Variants in FGFRL1 observed in about 807,000 individuals in gnomAD.
The protein encoded by FGFRL1 is fibroblast growth factor receptor-like 1.
A neutral mutation model predicts 36.8 loss-of-function variants in FGFRL1; 24 were observed. The observed-to-expected ratio is 0.65, with a 90% confidence interval of 0.47 to 0.92. The LOEUF (loss-of-function observed/expected upper bound fraction) is 0.92. Among genes scored for constraint, FGFRL1 ranks in the 40% least tolerant of loss-of-function variants. The pLI, the probability that FGFRL1 is intolerant of heterozygous loss-of-function variation, is 0.00. For missense variants in FGFRL1, 785 were observed against 753.4 expected (o/e 1.04, Z -0.49); for synonymous variants, 422 against 344.1 (o/e 1.23, Z -2.50).
intron 1 of FGFRL1, 67 bp from the exon 2 acceptor site, chr4:1,012,403 C>T: frequency 1.3e-6 from 2 of 1,551,056 alleles, no homozygotes; most frequent in South Asian, 1.2e-5. Flanking sequence ...ATCCCCGCGG[C>T]CCGGGACCGG....
At chr4:1,017,162 C>T (rs949079046) in intron 2 of FGFRL1, among the ~76,000 whole-genome samples, 4 of 152,206 alleles carry the variant, frequency 2.6e-5, no homozygotes, top group African/African-American at 7.2e-5. Context: ...GACTTGGGGC[C>T]TGGCCACCCC....
At chr4:1,012,419 GC>G in intron 1 of FGFRL1, 50 bp from the exon 2 acceptor site, 1 of 1,564,852 alleles carries the variant, frequency 6.4e-7, no homozygotes. Context: ...ACCGGGGAGG[GC>G]GGTATCTCCC....
chr4:1,016,751 G>A (rs1264111522), intron 2 of FGFRL1, among the ~76,000 whole-genome samples: 1 of 152,154 alleles, frequency 6.6e-6, no homozygotes, highest in Non-Finnish European at 1.5e-5. Context: ...GCACATGTAT[G>A]TGCCTGAGCG....
intron 2 of FGFRL1, among the ~76,000 whole-genome samples, chr4:1,015,395 C>T (rs1715836938): frequency 6.6e-6 from 1 of 152,226 alleles, no homozygotes; most frequent in South Asian, 2.1e-4. Context: ...CCCAGGGTGC[C>T]TGGCTGCCCT....
chr4:1,010,534 T>G (rs1348033789), upstream of FGFRL1, among the ~76,000 whole-genome samples: 1 of 152,184 alleles, frequency 6.6e-6, no homozygotes. Context: ...CAGCCTTTCC[T>G]GGGAGGACTT....
chr4:1,025,394 A>C lies in FGFRL1; in HGVS notation c.*47A>C. The C allele has an allele frequency of 6.6e-6, 10 of 1,506,094 alleles. No homozygotes were observed. The highest frequency in any genetic ancestry group is 4.5e-6 in the Non-Finnish European group (5 of 1,120,110). 93.3% of individuals were successfully genotyped at this position (1,506,094 alleles called of 1,614,324 possible). A position where few individuals can be genotyped will look rare whatever the true frequency, so the allele number is the denominator to read the frequency against. On this transcript the variant is annotated 3_prime_UTR_variant, in exon 7 of 7. Coordinates refer to ENST00000510644, the MANE Select transcript of FGFRL1 (RefSeq NM_001004356.3). ...GCACGGGGGGGCCGGCCAGACAGGC[A>C]GACTGGGAGGATGGAGGACGGAGCT... is the stretch of plus-strand genomic sequence containing the variant.
intron 6 of FGFRL1, 67 bp from the exon 7 acceptor site, chr4:1,024,838 C>G: frequency 6.7e-7 from 1 of 1,500,000 alleles, no homozygotes; most frequent in Non-Finnish European, 9.0e-7. Flanking sequence ...TGGGATGGGT[C>G]TGGGGTGCTC....
chr4:1,017,656 A>G (rs1715960889), intron 2 of FGFRL1, among the ~76,000 whole-genome samples: 1 of 152,180 alleles, frequency 6.6e-6, no homozygotes, highest in South Asian at 2.1e-4. Context: ...GGCCGTTTCC[A>G]GCCAGTGTCC....
At chr4:1,016,271 G>A (rs553173155) in intron 2 of FGFRL1, among the ~76,000 whole-genome samples, 49 of 152,042 alleles carry the variant, frequency 3.2e-4, no homozygotes, top group Admixed American at 3.0e-3. Context: ...GGCTGCCAAG[G>A]TCTGCAGGCA....
rs372553975 is a variant in FGFRL1 at position 1,022,339 on chromosome 4, C to A, written c.216C>A (p.Ser72Arg). ...CCAAGGATGGCCGCACCATCCACAGCGGCTGGAGCCGCTTCCGCGTGCTGC... is the reference window on the plus strand; with the variant it reads ...CCAAGGATGGCCGCACCATCCACAGAGGCTGGAGCCGCTTCCGCGTGCTGC... ...MWTKDGRTIHSGWSRFRVLPQ... is the reference protein window; with the variant it reads ...MWTKDGRTIHRGWSRFRVLPQ... The change falls in exon 3 of 7, where the codon AGC (serine) becomes AGA (arginine). Residue 72 changes from serine to arginine, a missense_variant. Physicochemically the swap from Ser to Arg is moderately radical, Grantham distance 110. Coordinates refer to ENST00000510644, the MANE Select transcript of FGFRL1 (RefSeq NM_001004356.3). 14 of 1,603,140 alleles carry A rather than the reference C, an allele frequency of 8.7e-6. No individual in the cohort carries two copies. The highest frequency in any genetic ancestry group is 1.2e-5 in the Non-Finnish European group (14 of 1,176,102).
intron 2 of FGFRL1, among the ~76,000 whole-genome samples, chr4:1,017,411 G>A (rs536596558): frequency 1.1e-4 from 17 of 152,254 alleles, no homozygotes; most frequent in African/African-American, 3.6e-4. Context: ...CCTCCCCAGC[G>A]CACACTGGCT....
rs1331119586 is a variant in FGFRL1, at chr4:1,026,292, A to C, written c.*945A>C. 2.5e-5 allele frequency: 4 copies of C among 158,614 alleles called. No individual in the cohort carries two copies. The highest frequency in any genetic ancestry group is 7.2e-5 in the African/African-American group (3 of 41,488). The allele number at this position is 158,614 out of a possible 1,614,324, so 9.8% of individuals were successfully genotyped here. On this transcript the variant is annotated 3_prime_UTR_variant, in exon 7 of 7. Coordinates refer to ENST00000510644, the MANE Select transcript of FGFRL1 (RefSeq NM_001004356.3). ...GACACACATGCACACACAGGTGCAG[A>C]TATGCTGCCTGGACACACGCAGACT...
chr4:1,017,735 C>T (rs1035815319), intron 2 of FGFRL1, among the ~76,000 whole-genome samples: 2 of 152,198 alleles, frequency 1.3e-5, no homozygotes, highest in South Asian at 4.1e-4. Flanking sequence ...GCCTGGGTGT[C>T]TCTCCCTGTG....
Position 1,025,351 on chromosome 4 carries a change from G to C in FGFRL1, c.*4G>C, listed in dbSNP as rs2153027545. 2 of 1,540,840 alleles carry C rather than the reference G, an allele frequency of 1.3e-6. No homozygotes were observed. The highest frequency in any genetic ancestry group is 1.8e-6 in the Non-Finnish European group (2 of 1,139,388). On this transcript the variant is annotated 3_prime_UTR_variant, in exon 7 of 7. Transcript: ENST00000510644. ...GCACATCCACTATCAGTGCTAGACGGCACCGTATCTGCAGTGGGCACGGGG... is the reference window on the plus strand; with the variant it reads ...GCACATCCACTATCAGTGCTAGACGCCACCGTATCTGCAGTGGGCACGGGG...
chr4:1,010,577 G>A (rs1715532524), upstream of FGFRL1, among the ~76,000 whole-genome samples: 1 of 152,258 alleles, frequency 6.6e-6, no homozygotes, highest in Non-Finnish European at 1.5e-5. Context: ...CCCAGAAAGA[G>A]AGGCTGCTCT....
rs200338999 is a variant in FGFRL1 at position 1,025,088 on chromosome 4, C to T, written c.1256C>T (p.Pro419Leu). Residue 419 changes from proline to leucine, a missense_variant, in exon 7 of 7, where the codon CCG (proline) becomes CTG (leucine). Physicochemically the swap from Pro to Leu is moderately conservative, Grantham distance 98 (BLOSUM62 -3). Transcript: ENST00000510644. ...APAPPLPGHR[P>L]PGTARDRSGD... The stretch of plus-strand genomic sequence containing the variant: ...GCCCCTCCCCTGCCTGGGCACCGCC[C>T]GCCGGGGACGGCCCGCGACCGCAGC... 1.4e-5 allele frequency: 23 copies of T among 1,609,832 alleles called. No individual in the cohort carries two copies. The highest frequency in any genetic ancestry group is 4.5e-5 in the East Asian group (2 of 44,760).
chr4:1,024,024 A>T lies in FGFRL1; in HGVS notation c.641A>T (p.Glu214Val). The T allele has an allele frequency of 1.2e-6, 2 of 1,607,670 alleles. No homozygotes were observed. The highest frequency in any genetic ancestry group is 1.7e-5 in the Admixed American group (1 of 59,814). Residue 214 changes from glutamate to valine, a missense_variant, in exon 5 of 7, where the codon GAG becomes GTG. Transcript: ENST00000510644. ...WTLSLKNLRP[E>V]DSGKYTCRVS... Reference sequence around the variant, plus strand: ...CTGAGCCTGAAGAACCTGCGGCCGGAGGACAGCGGCAAATACACCTGCCGC... The same window carrying T: ...CTGAGCCTGAAGAACCTGCGGCCGGTGGACAGCGGCAAATACACCTGCCGC...
chr4:1,015,835 C>T (rs894795050), intron 2 of FGFRL1, among the ~76,000 whole-genome samples: 1 of 152,216 alleles, frequency 6.6e-6, no homozygotes, highest in African/African-American at 2.4e-5. Context: ...CCAGGCCCAC[C>T]AGCCAGTGGC....
rs551862508 is a variant in FGFRL1 at position 1,026,138 on chromosome 4, G to C, written c.*791G>C. 2 of 154,826 alleles carry C rather than the reference G, an allele frequency of 1.3e-5. No individual in the cohort carries two copies. The highest frequency in any genetic ancestry group is 2.5e-5 in the African/African-American group (1 of 40,766). 9.6% of individuals were successfully genotyped at this position (154,826 alleles called of 1,614,324 possible). A position where few individuals can be genotyped will look rare whatever the true frequency, so the allele number is the denominator to read the frequency against. Reference sequence around the variant, plus strand: ...TAATGCTGCCTCAACACTCACACACGTGCAGATATTGCCTGGACACACACA... The same window carrying C: ...TAATGCTGCCTCAACACTCACACACCTGCAGATATTGCCTGGACACACACA... On this transcript the variant is annotated 3_prime_UTR_variant, in exon 7 of 7. Transcript: ENST00000510644.
Sources: allele counts gnomAD v4.1 joint callset (sites outside exome capture counted in the v4.1 genomes callset), GRCh38; gene constraint gnomAD v4.1.1; transcripts MANE v1.5; gene names NCBI Gene and HGNC (gene_info 2026-07-23, HGNC 2026-07-21).